SLC44A3: variants seen among roughly 807,000 people sequenced by gnomAD.
SLC44A3 encodes the protein choline transporter-like protein 3.
SLC44A3 carries 74 observed loss-of-function variants against 75.4 expected under a neutral mutation model. The ratio of observed to expected loss-of-function variants is 0.98; its 90% CI spans 0.81 to 1.19. SLC44A3 has a LOEUF of 1.19. Ranked by LOEUF, SLC44A3 falls within the 50% of genes most tolerant of loss-of-function variation. SLC44A3 has a pLI of 0.00. For missense variants in SLC44A3, 700 were observed against 778.6 expected, an observed-to-expected ratio of 0.90 and a Z score of 1.20; for synonymous variants, 310 against 296.9, an observed-to-expected ratio of 1.04 and a Z score of -0.45.
At chr1:94,838,700 A>G (rs1317441463) in intron 6 of SLC44A3, among the ~76,000 whole-genome samples, 1 of 152,224 alleles carries the variant, frequency 6.6e-6, no homozygotes, top group East Asian at 1.9e-4. Flanking sequence ...TTAACTAGTC[A>G]CTATTATGAC....
chr1:94,846,605 A>T, intron 9 of SLC44A3, among the ~76,000 whole-genome samples: 1 of 152,226 alleles, frequency 6.6e-6, no homozygotes, highest in East Asian at 1.9e-4. Context: ...TATCTTACTA[A>T]CAATGTGAGG....
chr1:94,892,190 AGGAACGTAT>A (rs1670292956), intron 13 of SLC44A3, 82 bp from the exon 14 acceptor site: 1 of 1,172,166 alleles, frequency 8.5e-7, no homozygotes, highest in Non-Finnish European at 1.2e-6. Flanking sequence ...CGTTGCACAC[AGGAACGTAT>A]ATTAAACCAT....
chr1:94,869,622 AC>A (rs1178256573), intron 12 of SLC44A3, among the ~76,000 whole-genome samples: 2 of 152,058 alleles, frequency 1.3e-5, no homozygotes, highest in Admixed American at 1.3e-4. Context: ...GGGAAGGGTC[AC>A]CTCTGGTCTA....
chr1:94,886,556 T>C (rs1289740319), intron 12 of SLC44A3, among the ~76,000 whole-genome samples: 1 of 152,154 alleles, frequency 6.6e-6, no homozygotes, highest in Non-Finnish European at 1.5e-5. Context: ...GGCCAGCTCG[T>C]ATGCCACTTC....
chr1:94,878,268 AAAC>A lies in SLC44A3; in HGVS notation c.1482+10853_1482+10855del, dbSNP rs1668545953. On this transcript the variant is annotated intron_variant, in intron 12 of 14. Coordinates refer to ENST00000271227, the MANE Select transcript of SLC44A3 (RefSeq NM_001114106.3). ...CAAAACAAACAAACAAACAAAAAAAAAACAGAGAAACTTGGTTGGGGCCCAAAG... is the reference window on the plus strand; with the variant it reads ...CAAAACAAACAAACAAACAAAAAAAAAGAGAAACTTGGTTGGGGCCCAAAG... Among the ~76,000 whole-genome samples the A allele has an allele frequency of 5.9e-5, 9 of 151,650 alleles. No individual in the cohort carries two copies. In the South Asian group the frequency reaches 1.0e-3, roughly 18 times the overall value.
intron 6 of SLC44A3, among the ~76,000 whole-genome samples, chr1:94,838,394 T>C (rs1304045442): frequency 6.6e-6 from 1 of 152,222 alleles, no homozygotes; most frequent in African/African-American, 2.4e-5. Context: ...GCCTTCAGCC[T>C]TCTCTGGGCA....
In SLC44A3 at chr1:94,857,463, A is replaced by C; in HGVS notation, c.1201A>C (p.Thr401Pro). 1 of 1,613,548 alleles carries C rather than the reference A, an allele frequency of 6.2e-7. No homozygotes were observed. Among genetic ancestry groups the C allele is most frequent in the South Asian group, 1.1e-5 (1 of 90,930 alleles). ...SEFILACQQMTIAGAVVTCYF... is the reference protein window; with the variant it reads ...SEFILACQQMPIAGAVVTCYF... ...ATTCATCCTTGCGTGCCAGCAAATG[A>C]CTATAGCTGGGGCAGTGGTTACTTG... The change falls in exon 10 of 15, where the codon ACT becomes CCT. Residue 401 changes from threonine to proline, a missense_variant. Physicochemically the swap from Thr to Pro is conservative, Grantham distance 38. Coordinates refer to ENST00000271227, the MANE Select transcript of SLC44A3 (RefSeq NM_001114106.3).
At position 94,858,922 on chromosome 1, in the gene SLC44A3, C is replaced by G. The variant is rs186557190; in HGVS notation, c.1238+1422C>G. Among the ~76,000 whole-genome samples, 1,145 of 152,170 alleles carry G rather than the reference C, an allele frequency of 7.5e-3. 9 individuals carry two copies. The highest frequency in any genetic ancestry group is 0.011 in the Non-Finnish European group (739 of 67,990). On this transcript the variant is annotated intron_variant, in intron 10 of 14. Transcript: ENST00000271227. ...GGCCAGGATGGTCTCGATCTCTTGA[C>G]CTTGTGATCCACCCGCCTAGTCCTC... is the stretch of plus-strand genomic sequence containing the variant.
chr1:94,879,740 G>C (rs1433699039), intron 12 of SLC44A3, among the ~76,000 whole-genome samples: 1 of 151,110 alleles, frequency 6.6e-6, no homozygotes, highest in African/African-American at 2.4e-5. Flanking sequence ...TTGGGAGGCT[G>C]AGGCAGGAAA....
intron 5 of SLC44A3, among the ~76,000 whole-genome samples, chr1:94,835,534 T>C (rs963852456): frequency 6.6e-6 from 1 of 152,194 alleles, no homozygotes; most frequent in Non-Finnish European, 1.5e-5. Context: ...ATCGTTACAA[T>C]TTTTTTGTAA....
At chr1:94,850,420 T>G (rs1665062803) in intron 9 of SLC44A3, among the ~76,000 whole-genome samples, 1 of 152,042 alleles carries the variant, frequency 6.6e-6, no homozygotes, top group Non-Finnish European at 1.5e-5. Flanking sequence ...AGCTCCAGAG[T>G]CTGTACAATA....
At chr1:94,822,638 C>G (rs1482377376) in intron 2 of SLC44A3, among the ~76,000 whole-genome samples, 4 of 152,166 alleles carry the variant, frequency 2.6e-5, no homozygotes, top group Admixed American at 6.5e-5. Context: ...GCAAATGCAG[C>G]ACCAGCCTGT....
At chr1:94,839,781 T>C (rs1388838114) in intron 6 of SLC44A3, among the ~76,000 whole-genome samples, 167 bp from the exon 7 acceptor site, 2 of 152,208 alleles carry the variant, frequency 1.3e-5, no homozygotes, top group Non-Finnish European at 2.9e-5. Flanking sequence ...GCCCCACGTA[T>C]ACCTTGTTAT....
intron 12 of SLC44A3, among the ~76,000 whole-genome samples, chr1:94,883,884 A>G (rs1454206452): frequency 1.3e-5 from 2 of 152,106 alleles, no homozygotes; most frequent in East Asian, 1.9e-4. Context: ...TCATTATCGT[A>G]GCGCATGCTC....
At chr1:94,877,820 C>T (rs1251902317) in intron 12 of SLC44A3, among the ~76,000 whole-genome samples, 4 of 152,190 alleles carry the variant, frequency 2.6e-5, no homozygotes, top group Non-Finnish European at 4.4e-5. Flanking sequence ...GACTTGCATT[C>T]ATCCCAGGAA....
chr1:94,837,298 A>G (rs1047446440), intron 5 of SLC44A3, among the ~76,000 whole-genome samples: 4 of 152,234 alleles, frequency 2.6e-5, no homozygotes, highest in Non-Finnish European at 5.9e-5. Context: ...GTATATTTGA[A>G]ATTTGATACA....
At chr1:94,844,474 G>A (rs1664125848) in intron 8 of SLC44A3, among the ~76,000 whole-genome samples, 2 of 152,316 alleles carry the variant, frequency 1.3e-5, no homozygotes, top group Non-Finnish European at 2.9e-5. Context: ...ATCTCAAGAA[G>A]CAGCAATTAA....
At chr1:94,842,457 G>A (rs1216466939) in intron 8 of SLC44A3, among the ~76,000 whole-genome samples, 1 of 152,234 alleles carries the variant, frequency 6.6e-6, no homozygotes, top group Non-Finnish European at 1.5e-5. Context: ...TGTTTGTGAG[G>A]TGCGGCTCCC....
chr1:94,820,937 T>C lies in SLC44A3; in HGVS notation c.28-12T>C. 6.5e-7 allele frequency: 1 copy of C among 1,544,922 alleles called. No individual in the cohort carries two copies. Among genetic ancestry groups the C allele is most frequent in the Non-Finnish European group, 8.8e-7 (1 of 1,142,320 alleles). Reference sequence around the variant, plus strand: ...TTATCTTCTTTTTCTCAACTCTCCCTTTTTCTGGAAGGTTTCTGCAGAAGG... The same window carrying C: ...TTATCTTCTTTTTCTCAACTCTCCCCTTTTCTGGAAGGTTTCTGCAGAAGG... On this transcript the variant is annotated splice_polypyrimidine_tract_variant and intron_variant, in intron 1 of 14. Transcript: ENST00000271227.
Sources: gnomAD v4.1 joint callset for allele counts (sites outside exome capture counted in the v4.1 genomes callset) on GRCh38, gnomAD v4.1.1 for gene constraint, MANE v1.5 for transcripts, NCBI Gene and HGNC (gene_info 2026-07-23, HGNC 2026-07-21) for gene names.